BRD10: variants seen among roughly 807,000 people sequenced by gnomAD.
BRD10 encodes bromodomain containing 10.
the BRD10 span, among the ~76,000 whole-genome samples, chr9:5,960,818 A>C: frequency 6.6e-6 from 1 of 152,204 alleles, no homozygotes; most frequent in Non-Finnish European, 1.5e-5. Context: ...AAAATGTCCA[A>C]TAAGGAGACT....
the BRD10 span, among the ~76,000 whole-genome samples, chr9:5,939,170 T>C: frequency 3.3e-5 from 5 of 152,180 alleles, no homozygotes; most frequent in African/African-American, 1.2e-4. Flanking sequence ...CATATCAGTA[T>C]TCATATAGTG....
the BRD10 span, among the ~76,000 whole-genome samples, chr9:5,925,626 A>G: frequency 2.0e-5 from 3 of 152,228 alleles, no homozygotes; most frequent in Non-Finnish European, 4.4e-5. Context: ...ACAGAGAGTA[A>G]CAAATCTATC....
At chr9:5,880,490 G>A in the BRD10 span, among the ~76,000 whole-genome samples, 4 of 151,736 alleles carry the variant, frequency 2.6e-5, no homozygotes, top group Non-Finnish European at 1.5e-5. Context: ...CTCCAGCCTC[G>A]GCAACAGAGT....
At chr9:5,998,551 G>A in the BRD10 span, among the ~76,000 whole-genome samples, 2 of 151,848 alleles carry the variant, frequency 1.3e-5, no homozygotes, top group Non-Finnish European at 2.9e-5. Context: ...AATCCTTACA[G>A]CTTTTGTTCA....
chr9:5,922,617 G>A, the BRD10 span: 1 of 1,613,934 alleles, frequency 6.2e-7, no homozygotes, highest in Non-Finnish European at 8.5e-7. Flanking sequence ...TTCTGTTGAA[G>A]TGGTGGCACT....
the BRD10 span, chr9:5,908,581 C>T: frequency 2.7e-3 from 3,817 of 1,406,334 alleles, 53 homozygotes; most frequent in African/African-American, 0.043. Context: ...AACTTAATCC[C>T]TTCCTAGAAA....
the BRD10 span, among the ~76,000 whole-genome samples, chr9:5,901,372 TTGAG>T: frequency 6.6e-6 from 1 of 152,216 alleles, no homozygotes; most frequent in East Asian, 1.9e-4. Flanking sequence ...TTCAGCAAAC[TTGAG>T]TAAGTTTCCC....
the BRD10 span, among the ~76,000 whole-genome samples, chr9:5,935,942 G>A: frequency 6.6e-6 from 1 of 152,068 alleles, no homozygotes; most frequent in African/African-American, 2.4e-5. Flanking sequence ...CAGATTTTCT[G>A]ACAATATAAT....
At chr9:5,992,233 A>G in the BRD10 span, among the ~76,000 whole-genome samples, 120 of 152,330 alleles carry the variant, frequency 7.9e-4, no homozygotes, top group African/African-American at 2.8e-3. Context: ...TGTTTTGTTA[A>G]TGACTGTCAT....
chr9:6,007,511 TCTC>T, the BRD10 span: 1,403 of 1,612,854 alleles, frequency 8.7e-4, 2 homozygotes, highest in South Asian at 1.9e-3. Context: ...CCCCGGTGCT[TCTC>T]CTGCAGGAAC....
the BRD10 span, among the ~76,000 whole-genome samples, chr9:5,881,883 T>C: frequency 5.0e-4 from 76 of 152,312 alleles, no homozygotes; most frequent in African/African-American, 1.6e-3. Context: ...GGCTCTACCA[T>C]GTGGCAGGCT....
At chr9:5,889,623 A>G in the BRD10 span, among the ~76,000 whole-genome samples, 1 of 152,104 alleles carries the variant, frequency 6.6e-6, no homozygotes, top group Admixed American at 6.5e-5. Flanking sequence ...TGTCTCTACT[A>G]AAAATACAAA....
the BRD10 span, chr9:5,933,959 TAATTTA>T: frequency 7.3e-6 from 3 of 409,856 alleles, no homozygotes; most frequent in African/African-American, 6.1e-5. Context: ...TTGCACACTT[TAATTTA>T]GATACTTTGT....
At chr9:5,910,170 A>C in the BRD10 span, 1 of 152,246 alleles carries the variant, frequency 6.6e-6, no homozygotes, top group Non-Finnish European at 1.5e-5. Flanking sequence ...GGCTTACAAG[A>C]GTTTTAAAGA....
At chr9:5,968,206 G>T in the BRD10 span, 1 of 1,612,160 alleles carries the variant, frequency 6.2e-7, no homozygotes, top group Non-Finnish European at 8.5e-7. Flanking sequence ...TAGTTAGTTT[G>T]AGTTTCTTGT....
At chr9:5,946,876 G>C in the BRD10 span, among the ~76,000 whole-genome samples, 1 of 152,006 alleles carries the variant, frequency 6.6e-6, no homozygotes, top group Admixed American at 6.6e-5. Context: ...AAAACATTTT[G>C]AGATCTTTTA....
chr9:5,991,055 T>C, the BRD10 span, among the ~76,000 whole-genome samples: 1 of 152,206 alleles, frequency 6.6e-6, no homozygotes, highest in Non-Finnish European at 1.5e-5. Context: ...AGTATATGTA[T>C]ATGTATTCAC....
the BRD10 span, among the ~76,000 whole-genome samples, chr9:5,915,230 G>A: frequency 2.0e-5 from 3 of 151,758 alleles, no homozygotes; most frequent in Non-Finnish European, 2.9e-5. Flanking sequence ...ACCTGATTAT[G>A]CCAAATATCA....
the BRD10 span, chr9:5,968,344 G>A: frequency 1.9e-6 from 3 of 1,609,716 alleles, no homozygotes; most frequent in South Asian, 2.2e-5. Context: ...TTAATGGACT[G>A]GGTTCAATCT....
Sources: allele counts gnomAD v4.1 joint callset (sites outside exome capture counted in the v4.1 genomes callset), GRCh38; gene constraint gnomAD v4.1.1; transcripts MANE v1.5; gene names NCBI Gene and HGNC (gene_info 2026-07-23, HGNC 2026-07-21).